Variants in CSMD3 observed in about 807,000 individuals in gnomAD.
CSMD3 encodes CUB and Sushi multiple domains 3.
A neutral mutation model predicts 435.2 loss-of-function variants in CSMD3; 177 were observed. The ratio of observed to expected loss-of-function variants is 0.41; its 90% confidence interval spans 0.36 to 0.46. The LOEUF is 0.46. CSMD3 is among the 20% of genes least tolerant of loss of function. The pLI, the probability that CSMD3 is intolerant of heterozygous loss-of-function variation, is 0.34. For synonymous variants in CSMD3, 1,656 were observed against 1,520.5 expected (o/e 1.09, Z -2.07); for missense variants, 4,265 against 4,504.6 (o/e 0.95, Z 1.52).
chr8:113,284,050 C>T (rs752068456), intron 2 of CSMD3, among the ~76,000 whole-genome samples: 1 of 151,996 alleles, frequency 6.6e-6, no homozygotes. Flanking sequence ...GACCAAAAGG[C>T]TTAAGAATGA....
chr8:113,292,410 T>G lies in CSMD3; in HGVS notation c.402-13706A>C, dbSNP rs113540757. Among the ~76,000 whole-genome samples, 969 of 151,924 alleles carry G rather than the reference T, an allele frequency of 6.4e-3. 11 individuals are homozygous for G. Among genetic ancestry groups the G allele is most frequent in the African/African-American group, 0.022 (903 of 41,522 alleles). On this transcript the variant is annotated intron_variant, in intron 2 of 70. Transcript: ENST00000297405. ...CAATAATATATTTTTTATCATTAGA[T>G]CAACAAAAATATACATAAAACAAAA...
At chr8:112,982,846 A>C (rs2085104193) in intron 6 of CSMD3, among the ~76,000 whole-genome samples, 1 of 151,954 alleles carries the variant, frequency 6.6e-6, no homozygotes. Context: ...ATGATGGCAA[A>C]ATTTATTTTT....
chr8:112,259,279 T>G (rs548876888), intron 61 of CSMD3, among the ~76,000 whole-genome samples: 3 of 152,312 alleles, frequency 2.0e-5, no homozygotes, highest in Admixed American at 6.5e-5. Flanking sequence ...GATGAGTTAT[T>G]GTCCTTTGCA....
chr8:113,187,316 A>G (rs1427789718), intron 3 of CSMD3, among the ~76,000 whole-genome samples: 1 of 151,788 alleles, frequency 6.6e-6, no homozygotes, highest in Non-Finnish European at 1.5e-5. Context: ...CCCTGAGATC[A>G]CCACTGGAGT....
intron 4 of CSMD3, among the ~76,000 whole-genome samples, chr8:113,159,206 G>A (rs181838757): frequency 6.6e-6 from 1 of 151,728 alleles, no homozygotes; most frequent in East Asian, 1.9e-4. Flanking sequence ...TCTGATTTGT[G>A]CAATAAAAAT....
chr8:113,068,622 T>TA (rs1298621405), intron 5 of CSMD3, among the ~76,000 whole-genome samples: 2 of 152,118 alleles, frequency 1.3e-5, no homozygotes, highest in African/African-American at 4.8e-5. Context: ...ACTACGGAAG[T>TA]ACAAATTAAG....
intron 30 of CSMD3, among the ~76,000 whole-genome samples, chr8:112,501,829 G>T (rs1489849622): frequency 6.6e-6 from 1 of 152,016 alleles, no homozygotes; most frequent in African/African-American, 2.4e-5. Flanking sequence ...TATTAACTTT[G>T]ATATAGCCAT....
chr8:112,309,051 T>C (rs1425846359), intron 50 of CSMD3, among the ~76,000 whole-genome samples: 5 of 152,032 alleles, frequency 3.3e-5, no homozygotes, highest in Non-Finnish European at 5.9e-5. Context: ...GGCTACATGA[T>C]TTACATATAT....
chr8:113,091,199 G>C (rs2089990693), intron 5 of CSMD3, among the ~76,000 whole-genome samples: 1 of 152,088 alleles, frequency 6.6e-6, no homozygotes. Flanking sequence ...AGGAACTTTG[G>C]AGTTTAGTGT....
At chr8:112,495,471 T>A (rs1258402924) in intron 30 of CSMD3, among the ~76,000 whole-genome samples, 1 of 152,234 alleles carries the variant, frequency 6.6e-6, no homozygotes, top group Non-Finnish European at 1.5e-5. Context: ...AAATAATGCC[T>A]CTGCAACAAT....
chr8:112,454,619 G>T (rs531162536), intron 32 of CSMD3, among the ~76,000 whole-genome samples: 9 of 152,218 alleles, frequency 5.9e-5, no homozygotes, highest in African/African-American at 2.2e-4. Context: ...TGAGAAAATG[G>T]AACACCTATA....
Position 113,136,445 on chromosome 8 carries a change from T to C in CSMD3, c.709+37277A>G, listed in dbSNP as rs570189697. 2.6e-5 allele frequency among the ~76,000 whole-genome samples: 4 copies of C among 151,606 alleles called. No homozygotes were observed. In the East Asian group the frequency reaches 7.8e-4, roughly 29 times the overall value. On this transcript the variant is annotated intron_variant, in intron 4 of 70. Coordinates refer to ENST00000297405, the MANE Select transcript of CSMD3 (RefSeq NM_198123.2). ...AGTAATTTTTTATGGTTAGGATATA[T>C]ATTGTATGGTTTAAAGGTCATGGTG...
intron 4 of CSMD3, among the ~76,000 whole-genome samples, chr8:113,169,311 T>C (rs993303493): frequency 2.0e-5 from 3 of 152,170 alleles, no homozygotes; most frequent in Admixed American, 6.5e-5. Flanking sequence ...TGTAAATATA[T>C]GGTTTAGGTC....
chr8:112,267,364 C>T (rs2130434931), intron 59 of CSMD3, among the ~76,000 whole-genome samples: 1 of 152,020 alleles, frequency 6.6e-6, no homozygotes, highest in African/African-American at 2.4e-5. Context: ...GGACTGCTTT[C>T]CTTCCTATGA....
At chr8:113,373,582 G>A (rs2094360221) in intron 1 of CSMD3, among the ~76,000 whole-genome samples, 1 of 151,710 alleles carries the variant, frequency 6.6e-6, no homozygotes, top group African/African-American at 2.4e-5. Context: ...ATGAAATAAA[G>A]ATGTTTATTA....
chr8:113,187,287 T>G (rs1588233064), intron 3 of CSMD3, among the ~76,000 whole-genome samples: 1 of 151,796 alleles, frequency 6.6e-6, no homozygotes, highest in African/African-American at 2.4e-5. Flanking sequence ...AGCAAATTTC[T>G]ACATCAAGGG....
intron 10 of CSMD3, among the ~76,000 whole-genome samples, chr8:112,876,517 G>A (rs2081286394): frequency 6.6e-6 from 1 of 152,122 alleles, no homozygotes; most frequent in Admixed American, 6.6e-5. Flanking sequence ...GGGATGCAAG[G>A]CTGGTTCAAT....
Position 112,895,211 on chromosome 8 carries a change from T to C in CSMD3, c.1633+26416A>G, listed in dbSNP as rs559055206. ...ATGAGAGATATCAGCAAACAAATGG[T>C]ATATAAGCTATATATATATTATAAA... On this transcript the variant is annotated intron_variant, in intron 10 of 70. Coordinates refer to ENST00000297405, the MANE Select transcript of CSMD3 (RefSeq NM_198123.2). Among the ~76,000 whole-genome samples the C allele has an allele frequency of 3.3e-5, 5 of 151,522 alleles. No individual in the cohort carries two copies. The South Asian group carries it at 1.0e-3, about 31-fold the overall frequency.
intron 3 of CSMD3, among the ~76,000 whole-genome samples, chr8:113,271,144 G>A (rs914015611): frequency 3.3e-5 from 5 of 152,024 alleles, no homozygotes; most frequent in Non-Finnish European, 5.9e-5. Context: ...GTTTTAAAAC[G>A]GAAACAGAGC....
Sources: allele counts gnomAD v4.1 joint callset (sites outside exome capture counted in the v4.1 genomes callset), GRCh38; gene constraint gnomAD v4.1.1; transcripts MANE v1.5; gene names NCBI Gene and HGNC (gene_info 2026-07-23, HGNC 2026-07-21).